ZNF410: variants seen among roughly 807,000 people sequenced by gnomAD.
The protein encoded by ZNF410 is another partner for ARF 1.
A neutral mutation model predicts 54.8 loss-of-function variants in ZNF410; 18 were observed. The ratio of observed to expected loss-of-function variants is 0.33; its 90% CI spans 0.23 to 0.49. The LOEUF (loss-of-function observed/expected upper bound fraction) is 0.49, where lower values mean the gene tolerates loss of function less well. ZNF410 is among the 20% of genes least tolerant of loss of function. ZNF410 has a pLI of 0.99. For synonymous variants in ZNF410, 191 were observed against 207.3 expected (o/e 0.92, Z 0.68); for missense variants, 405 against 569.6 (o/e 0.71, Z 2.94).
At position 73,892,214 on chromosome 14, in the gene ZNF410, C is replaced by T; in HGVS notation, c.33+6C>T. The T allele has an allele frequency of 6.2e-7, 1 of 1,612,476 alleles. No individual in the cohort carries two copies. Among genetic ancestry groups the T allele is most frequent in the Non-Finnish European group, 8.5e-7 (1 of 1,179,552 alleles). ...AGTTAGAATCCAAACCAGAGGTGAG[C>T]CCAGTCAGCTTGTTTCCTTTTCTTT... On this transcript the variant is annotated splice_donor_region_variant and intron_variant, in intron 2 of 11. Coordinates refer to ENST00000555044, the MANE Select transcript of ZNF410 (RefSeq NM_021188.3).
At chr14:73,913,281 G>A (rs1566661259) in intron 8 of ZNF410, 1 of 152,072 alleles carries the variant, frequency 6.6e-6, no homozygotes, top group African/African-American at 2.4e-5. Flanking sequence ...AAAAAGAAAA[G>A]AACAAGTTTT....
At chr14:73,904,556 T>A (rs1367544403) in intron 6 of ZNF410, among the ~76,000 whole-genome samples, 2 of 152,148 alleles carry the variant, frequency 1.3e-5, no homozygotes, top group Non-Finnish European at 2.9e-5. Flanking sequence ...CTCGAACTCC[T>A]GTGCTCAAGT....
At chr14:73,900,202 A>G (rs1475187497) in intron 5 of ZNF410, among the ~76,000 whole-genome samples, 3 of 151,980 alleles carry the variant, frequency 2.0e-5, no homozygotes, top group Non-Finnish European at 4.4e-5. Flanking sequence ...TCCCAAAAAA[A>G]AAAAAAATCA....
At chr14:73,889,815 GAC>G (rs1287208569) in intron 1 of ZNF410, among the ~76,000 whole-genome samples, 1 of 117,148 alleles carries the variant, frequency 8.5e-6, no homozygotes, top group East Asian at 2.5e-4. Context: ...TTTTTTTCTC[GAC>G]ACAGAGTCTT....
chr14:73,915,137 C>G, intron 8 of ZNF410, among the ~76,000 whole-genome samples: 1 of 150,492 alleles, frequency 6.6e-6, no homozygotes, highest in East Asian at 2.1e-4. Flanking sequence ...TAGCTCATGA[C>G]TGTAATCCCA....
chr14:73,906,857 T>C (rs2055498043), intron 7 of ZNF410, among the ~76,000 whole-genome samples: 1 of 152,200 alleles, frequency 6.6e-6, no homozygotes, highest in Non-Finnish European at 1.5e-5. Context: ...CTTTTATCTC[T>C]GTTAATCTCT....
rs757559132 is a variant in ZNF410, at chr14:73,922,125, G to A, written c.1189G>A (p.Val397Met). The A allele has an allele frequency of 1.9e-6, 3 of 1,614,138 alleles. No homozygotes were observed. Among genetic ancestry groups the A allele is most frequent in the South Asian group, 1.1e-5 (1 of 91,078 alleles). Residue 397 changes from valine (V) to methionine (M), a missense_variant, in exon 10 of 12, where the codon GTG becomes ATG. Transcript: ENST00000555044. ...EEASVPSKNLVSMNSQPSLGG... is the reference protein window; with the variant it reads ...EEASVPSKNLMSMNSQPSLGG... ...GGCTTCAGTACCCAGTAAAAACCTGGTGTCTATGAATTCCCAGCCCAGCCT... is the reference window on the plus strand; with the variant it reads ...GGCTTCAGTACCCAGTAAAAACCTGATGTCTATGAATTCCCAGCCCAGCCT...
chr14:73,899,016 T>C (rs2055365366), intron 5 of ZNF410, among the ~76,000 whole-genome samples: 1 of 152,176 alleles, frequency 6.6e-6, no homozygotes, highest in Non-Finnish European at 1.5e-5. Context: ...CATGGATACT[T>C]TTTTAGGTCT....
intron 7 of ZNF410, among the ~76,000 whole-genome samples, chr14:73,905,899 A>G (rs2055474911): frequency 6.6e-6 from 1 of 150,956 alleles, no homozygotes; most frequent in African/African-American, 2.4e-5. Context: ...ATATATATAC[A>G]TACATATATA....
intron 1 of ZNF410, among the ~76,000 whole-genome samples, chr14:73,887,658 G>C (rs2140288114): frequency 6.6e-6 from 1 of 152,286 alleles, no homozygotes; most frequent in East Asian, 1.9e-4. Flanking sequence ...CAGCATATTT[G>C]CAATAAATAA....
At position 73,896,083 on chromosome 14, in the gene ZNF410, C is replaced by A. The variant is rs570324817; in HGVS notation, c.170-233C>A. The A allele has an allele frequency of 9.6e-6, 5 of 520,456 alleles. No homozygotes were observed. The South Asian group carries it at 1.3e-4, about 13-fold the overall frequency. 32.2% of individuals were successfully genotyped at this position (520,456 alleles called of 1,614,324 possible). A position where few individuals can be genotyped will look rare whatever the true frequency, so the allele number is the denominator to read the frequency against. ...TGTTGAATGGTTGGTTATTCACCAA[C>A]CATTACTGCCAAGTGACAGAGAATT... On this transcript the variant is annotated intron_variant, in intron 3 of 11. Coordinates refer to ENST00000555044, the MANE Select transcript of ZNF410 (RefSeq NM_021188.3).
At chr14:73,905,964 C>CAT (rs1409079327) in intron 7 of ZNF410, among the ~76,000 whole-genome samples, 26 of 100,624 alleles carry the variant, frequency 2.6e-4, no homozygotes, top group South Asian at 1.5e-3. Flanking sequence ...CACACACACA[C>CAT]ACACATATAT....
At chr14:73,904,528 A>G (rs1339105209) in intron 6 of ZNF410, among the ~76,000 whole-genome samples, 6 of 152,146 alleles carry the variant, frequency 3.9e-5, no homozygotes, top group Non-Finnish European at 8.8e-5. Context: ...CAGTGGCGCC[A>G]TCATAGCTCA....
At chr14:73,903,294 T>C (rs2055435313) in intron 5 of ZNF410, among the ~76,000 whole-genome samples, 1 of 152,166 alleles carries the variant, frequency 6.6e-6, no homozygotes, top group Non-Finnish European at 1.5e-5. Context: ...TCAGGGATAG[T>C]GTTGCTATCC....
intron 5 of ZNF410, among the ~76,000 whole-genome samples, chr14:73,898,873 G>A (rs1253974400): frequency 6.6e-6 from 1 of 152,164 alleles, no homozygotes; most frequent in Non-Finnish European, 1.5e-5. Context: ...GACGTCACGT[G>A]GGAACTGAGA....
At chr14:73,922,682 C>T (rs1244992369) in intron 10 of ZNF410, 1 of 152,534 alleles carries the variant, frequency 6.6e-6, no homozygotes, top group African/African-American at 2.4e-5. Context: ...GCCCTCTTCT[C>T]TGAAAAACTT....
intron 5 of ZNF410, 135 bp from the exon 6 acceptor site, chr14:73,903,825 A>G (rs964586401): frequency 8.9e-6 from 11 of 1,240,168 alleles, no homozygotes; most frequent in Admixed American, 2.3e-5. Flanking sequence ...AAGTGCATAC[A>G]AAGATAACTG....
At position 73,893,591 on chromosome 14, in the gene ZNF410, G is replaced by A. The variant is rs8007775; in HGVS notation, c.34-206G>A. ...TATGTGGTCTGTTAACTGAAATGTC[G>A]TTTTGCAGCACATGACTTTATATAA... On this transcript the variant is annotated intron_variant, in intron 2 of 11. Transcript: ENST00000555044. The A allele has an allele frequency of 1.1e-3, 535 of 484,932 alleles. 3 individuals carry two copies. The highest frequency in any genetic ancestry group is 9.7e-3 in the African/African-American group (492 of 50,572). 30.0% of individuals were successfully genotyped at this position (484,932 alleles called of 1,614,324 possible).
At chr14:73,888,436 C>A (rs1352158606) in intron 1 of ZNF410, 1 of 152,044 alleles carries the variant, frequency 6.6e-6, no homozygotes, top group Non-Finnish European at 1.5e-5. Flanking sequence ...TACTGGGAAG[C>A]TTGTATGGAA....
Sources: allele counts gnomAD v4.1 joint callset (sites outside exome capture counted in the v4.1 genomes callset), GRCh38; gene constraint gnomAD v4.1.1; transcripts MANE v1.5; gene names NCBI Gene and HGNC (gene_info 2026-07-23, HGNC 2026-07-21).